The following BANK1 variants were observed in gnomAD, a reference collection of about 807,000 sequenced individuals.
BANK1 encodes the protein B-cell scaffold protein with ankyrin repeats.
BANK1 carries 95 observed loss-of-function variants against 94.5 expected under a neutral mutation model. That is an observed-to-expected ratio of 1.00 (90% CI 0.85 to 1.19). The LOEUF (loss-of-function observed/expected upper bound fraction) is 1.19, where lower values mean the gene tolerates loss of function less well. Among genes scored for constraint, BANK1 ranks in the 50% most tolerant of loss-of-function variants. BANK1 has a pLI of 0.00. For missense variants in BANK1, 987 were observed against 932.2 expected (o/e 1.06, Z -0.77); for synonymous variants, 334 against 308.4 (o/e 1.08, Z -0.87).
At chr4:101,862,922 G>A (rs1727934706) in intron 4 of BANK1, among the ~76,000 whole-genome samples, 1 of 152,012 alleles carries the variant, frequency 6.6e-6, no homozygotes, top group Non-Finnish European at 1.5e-5. Context: ...AAATATGTCA[G>A]CAGAGAGCAT....
chr4:101,860,991 C>T (rs1420519158), intron 3 of BANK1, among the ~76,000 whole-genome samples: 1 of 152,080 alleles, frequency 6.6e-6, no homozygotes, highest in Non-Finnish European at 1.5e-5. Context: ...ACAAAAGGAA[C>T]AAAAGAACTG....
At chr4:102,032,970 T>C (rs2148951873) in intron 10 of BANK1, among the ~76,000 whole-genome samples, 1 of 151,942 alleles carries the variant, frequency 6.6e-6, no homozygotes, top group African/African-American at 2.4e-5. Context: ...CATTGTAGGG[T>C]AATTAGGAAG....
At chr4:102,050,541 T>C (rs1226666761) in intron 11 of BANK1, among the ~76,000 whole-genome samples, 1 of 152,218 alleles carries the variant, frequency 6.6e-6, no homozygotes, top group African/African-American at 2.4e-5. Context: ...AGAGACCACA[T>C]GTGGTCAAAT....
intron 7 of BANK1, among the ~76,000 whole-genome samples, chr4:102,015,630 T>G (rs1213522336): frequency 6.6e-6 from 1 of 152,174 alleles, no homozygotes; most frequent in African/African-American, 2.4e-5. Context: ...AAGACGGTTG[T>G]AAACAATAGT....
chr4:101,982,914 A>G (rs1417862098), intron 7 of BANK1, among the ~76,000 whole-genome samples: 1 of 152,022 alleles, frequency 6.6e-6, no homozygotes, highest in Non-Finnish European at 1.5e-5. Flanking sequence ...CACCAAGATT[A>G]TGTAGAAGCT....
chr4:101,977,043 C>T (rs952641409), intron 7 of BANK1: 1 of 152,080 alleles, frequency 6.6e-6, no homozygotes, highest in African/African-American at 2.4e-5. Flanking sequence ...TGCATGTAGT[C>T]AGGGATGAAG....
chr4:101,797,571 CT>C (rs2148848885), intron 1 of BANK1, among the ~76,000 whole-genome samples: 1 of 152,058 alleles, frequency 6.6e-6, no homozygotes. Flanking sequence ...AGAACTATTA[CT>C]TACATACCTT....
rs113498714 is a variant in BANK1, at chr4:101,996,236, G to A, written c.1207-25278G>A. ...GAGGTTTGTCAAAGATCAGATGGTTGTAGATGTGTAGTGTTATTTCTGAGG... is the reference window on the plus strand; with the variant it reads ...GAGGTTTGTCAAAGATCAGATGGTTATAGATGTGTAGTGTTATTTCTGAGG... On this transcript the variant is annotated intron_variant, in intron 7 of 16. Coordinates refer to ENST00000322953, the MANE Select transcript of BANK1 (RefSeq NM_017935.5). Among the ~76,000 whole-genome samples, 951 of 152,264 alleles carry A rather than the reference G, an allele frequency of 6.2e-3. 10 individuals are homozygous for A. The highest frequency in any genetic ancestry group is 0.021 in the African/African-American group (881 of 41,548).
In BANK1 at chr4:102,008,302, G is replaced by A. The variant is rs575782560; in HGVS notation, c.1207-13212G>A. Among the ~76,000 whole-genome samples, 265 of 152,276 alleles carry A rather than the reference G, an allele frequency of 1.7e-3. 1 individual carries two copies. Among genetic ancestry groups the A allele is most frequent in the African/African-American group, 6.0e-3 (250 of 41,560 alleles). Reference sequence around the variant, plus strand: ...ATGAAGGCCAGTGCCTGCCTTGCTGGATTCATATGAGGATCACGATATCGG... The same window carrying A: ...ATGAAGGCCAGTGCCTGCCTTGCTGAATTCATATGAGGATCACGATATCGG... On this transcript the variant is annotated intron_variant, in intron 7 of 16. Coordinates refer to ENST00000322953, the MANE Select transcript of BANK1 (RefSeq NM_017935.5).
intron 11 of BANK1, among the ~76,000 whole-genome samples, chr4:102,054,919 A>G (rs1202672962): frequency 6.6e-6 from 1 of 152,022 alleles, no homozygotes; most frequent in Non-Finnish European, 1.5e-5. Flanking sequence ...AAACAACTGA[A>G]AGGTCAGAAT....
chr4:101,802,718 C>A (rs558866098), intron 1 of BANK1, among the ~76,000 whole-genome samples: 1 of 151,984 alleles, frequency 6.6e-6, no homozygotes, highest in Non-Finnish European at 1.5e-5. Context: ...CTATACCTCA[C>A]GTTTTTTTCT....
intron 2 of BANK1, among the ~76,000 whole-genome samples, chr4:101,854,293 A>G (rs1051359751): frequency 6.6e-6 from 1 of 152,158 alleles, no homozygotes; most frequent in Admixed American, 6.5e-5. Context: ...ATAAAACATG[A>G]TCTATTTCTC....
Position 101,870,550 on chromosome 4 carries a change from T to C in BANK1, c.809T>C (p.Ile270Thr), listed in dbSNP as rs201930891. 1.1e-5 allele frequency: 17 copies of C among 1,612,746 alleles called. No individual in the cohort carries two copies. Among genetic ancestry groups the C allele is most frequent in the Admixed American group, 1.7e-5 (1 of 59,832 alleles). The change falls in exon 5 of 17, where the codon ATC becomes ACC. Residue 270 changes from isoleucine to threonine, a missense_variant. Transcript: ENST00000322953. Reference sequence around the variant, plus strand: ...CATGTCAATGTCTACTGTGATGGAATCGTTAAAGCTACAACCAAAATTAAG... The same window carrying C: ...CATGTCAATGTCTACTGTGATGGAACCGTTAAAGCTACAACCAAAATTAAG... ...SVHVNVYCDG[I>T]VKATTKIKYY...
Position 101,790,906 on chromosome 4 carries a change from G to A in BANK1, c.26G>A (p.Gly9Glu). Residue 9 changes from glycine (G) to glutamate (E), a missense_variant, in exon 1 of 17, where the codon GGG becomes GAG. Transcript: ENST00000322953. MLPAAPGKGLGSPDPAPCG... is the reference protein window; with the variant it reads MLPAAPGKELGSPDPAPCG... ...ATGCTGCCAGCAGCGCCAGGCAAGG[G>A]GCTTGGGAGCCCGGACCCCGCCCCC... 1 of 1,538,508 alleles carries A rather than the reference G, an allele frequency of 6.5e-7. No homozygotes were observed. The highest frequency in any genetic ancestry group is 1.4e-5 in the African/African-American group (1 of 72,730).
chr4:102,050,890 G>A (rs781684048), intron 11 of BANK1, among the ~76,000 whole-genome samples: 13 of 152,154 alleles, frequency 8.5e-5, no homozygotes, highest in Non-Finnish European at 1.2e-4. Context: ...TATTTGCTCA[G>A]TAATTTTATC....
chr4:101,817,481 G>A (rs1449734379), intron 1 of BANK1, among the ~76,000 whole-genome samples: 1 of 152,130 alleles, frequency 6.6e-6, no homozygotes, highest in Non-Finnish European at 1.5e-5. Flanking sequence ...TAAATGATGA[G>A]AAAACATGGA....
chr4:101,818,557 G>C (rs1285749243), intron 1 of BANK1, among the ~76,000 whole-genome samples: 2 of 152,036 alleles, frequency 1.3e-5, no homozygotes, highest in Non-Finnish European at 2.9e-5. Flanking sequence ...CCTTCTCTGT[G>C]GTTTTGCTTC....
intron 7 of BANK1, among the ~76,000 whole-genome samples, chr4:101,933,514 A>T (rs954122420): frequency 6.6e-6 from 1 of 151,508 alleles, no homozygotes; most frequent in Non-Finnish European, 1.5e-5. Context: ...AGTGGTTCTC[A>T]CTATTGTGTT....
intron 7 of BANK1, among the ~76,000 whole-genome samples, chr4:101,990,409 C>T (rs898094516): frequency 3.9e-5 from 6 of 152,140 alleles, no homozygotes; most frequent in Non-Finnish European, 7.4e-5. Flanking sequence ...AACAAGAAGC[C>T]TTTCCCCTAT....
Sources: allele counts gnomAD v4.1 joint callset (sites outside exome capture counted in the v4.1 genomes callset), GRCh38; gene constraint gnomAD v4.1.1; transcripts MANE v1.5; gene names NCBI Gene and HGNC (gene_info 2026-07-23, HGNC 2026-07-21).